Variants in SLC5A11 observed in about 807,000 individuals in gnomAD.
The protein encoded by SLC5A11 is solute carrier family 5 member 11.
In SLC5A11, 48 loss-of-function variants were observed where a neutral mutation model predicts 69.8. The observed-to-expected ratio is 0.69, with a 90% confidence interval of 0.55 to 0.87. SLC5A11 has a LOEUF of 0.87. Among genes scored for constraint, SLC5A11 ranks in the 40% least tolerant of loss-of-function variants. The pLI is 0.00. For synonymous variants in SLC5A11, 319 were observed against 342.4 expected (o/e 0.93, Z 0.75); for missense variants, 784 against 866.1 (o/e 0.91, Z 1.19).
intron 9 of SLC5A11, among the ~76,000 whole-genome samples, chr16:24,893,291 AAATT>A (rs55990088): frequency 2.0e-5 from 3 of 146,630 alleles, no homozygotes; most frequent in South Asian, 2.2e-4. Flanking sequence ...CCATCTCAAA[AAATT>A]AATTAATTAA....
intron 1 of SLC5A11, among the ~76,000 whole-genome samples, chr16:24,856,253 G>A (rs1051285286): frequency 6.6e-6 from 1 of 151,592 alleles, no homozygotes; most frequent in Non-Finnish European, 1.5e-5. Flanking sequence ...AGACATTCAT[G>A]TGGGCGAAAA....
intron 1 of SLC5A11, among the ~76,000 whole-genome samples, chr16:24,854,935 AAGGTT>A (rs2059461070): frequency 6.6e-6 from 1 of 151,898 alleles, no homozygotes; most frequent in South Asian, 2.1e-4. Context: ...TGCACAGAGA[AAGGTT>A]AGGTTAGGTT....
At chr16:24,886,912 G>A (rs2048438326) in intron 8 of SLC5A11, among the ~76,000 whole-genome samples, 1 of 152,132 alleles carries the variant, frequency 6.6e-6, no homozygotes, top group Non-Finnish European at 1.5e-5. Context: ...AGGCTGCAGT[G>A]AGCTATTATT....
intron 10 of SLC5A11, 22 bp downstream of exon 11, chr16:24,898,131 G>A: frequency 1.2e-6 from 2 of 1,611,846 alleles, no homozygotes; most frequent in Non-Finnish European, 1.7e-6. Flanking sequence ...GCTGGGGGAA[G>A]AGGTCATTGG....
intron 5 of SLC5A11, among the ~76,000 whole-genome samples, chr16:24,872,707 T>TAC (rs1171498807): frequency 6.7e-6 from 1 of 150,304 alleles, no homozygotes; most frequent in African/African-American, 2.4e-5. Flanking sequence ...TAGTAGAAAA[T>TAC]ACAAAAATCC....
At chr16:24,905,640 GCACA>G (rs56335988) in intron 10 of SLC5A11, among the ~76,000 whole-genome samples, 33,531 of 136,022 alleles carry the variant, frequency 0.25, 4,337 homozygotes, top group Non-Finnish European at 0.28. Flanking sequence ...GCGCGCGCGC[GCACA>G]CACACACACA....
rs531404236 is a variant in SLC5A11 at position 24,852,236 on chromosome 16, C to T, written c.-25+5798C>T. 2.6e-5 allele frequency among the ~76,000 whole-genome samples: 4 copies of T among 152,230 alleles called. No homozygotes were observed. The East Asian group carries it at 5.8e-4, about 22-fold the overall frequency. On this transcript the variant is annotated intron_variant, in intron 1 of 15. Transcript: ENST00000347898. ...AGAAGCCAGCCTAAGGCATGAAATG[C>T]GGCAAATACAATCACAGCTCACCTT...
chr16:24,868,592 G>A (rs920765418), intron 3 of SLC5A11, among the ~76,000 whole-genome samples: 1 of 80,622 alleles, frequency 1.2e-5, no homozygotes, highest in African/African-American at 4.4e-5. Flanking sequence ...GCAAGACTCC[G>A]CCTCAAAAAA....
intron 8 of SLC5A11, among the ~76,000 whole-genome samples, chr16:24,884,651 A>T (rs1162707404): frequency 2.0e-5 from 3 of 148,990 alleles, no homozygotes; most frequent in Non-Finnish European, 3.0e-5. Flanking sequence ...TTTTTCAAGT[A>T]AAAATCTCTT....
chr16:24,860,700 T>TTTTTTTG (rs978721769), intron 2 of SLC5A11, among the ~76,000 whole-genome samples: 7 of 151,976 alleles, frequency 4.6e-5, no homozygotes, highest in Non-Finnish European at 1.5e-5. Flanking sequence ...ATCTCAAAGT[T>TTTTTTTG]TTTTTTGTTT....
chr16:24,870,442 A>AACCAC (rs1555523057), intron 4 of SLC5A11, among the ~76,000 whole-genome samples: 1 of 140,556 alleles, frequency 7.1e-6, no homozygotes, highest in African/African-American at 2.6e-5. Context: ...AACAAAAAAA[A>AACCAC]ACACACACAC....
At chr16:24,892,720 T>A (rs1031234131) in intron 9 of SLC5A11, among the ~76,000 whole-genome samples, 1 of 152,172 alleles carries the variant, frequency 6.6e-6, no homozygotes, top group African/African-American at 2.4e-5. Context: ...TAGTGAGGGC[T>A]GATGACAGTT....
intron 15 of SLC5A11, 77 bp from the exon 17 acceptor site, chr16:24,911,251 C>A: frequency 1.5e-6 from 2 of 1,369,396 alleles, no homozygotes; most frequent in African/African-American, 1.4e-5. Context: ...TTGAACACAT[C>A]TGGTGAGTGT....
chr16:24,905,436 C>A (rs943730460), intron 10 of SLC5A11, among the ~76,000 whole-genome samples: 5 of 151,232 alleles, frequency 3.3e-5, no homozygotes, highest in African/African-American at 1.2e-4. Flanking sequence ...AGTGAGACTC[C>A]ATCTCAAGAA....
intron 13 of SLC5A11, 108 bp from the exon 15 acceptor site, chr16:24,908,773 G>C: frequency 1.1e-6 from 1 of 935,198 alleles, no homozygotes; most frequent in South Asian, 1.6e-5. Context: ...GCTGACCCGT[G>C]CTTGCAGTGA....
At chr16:24,899,940 G>A (rs145989488) in intron 10 of SLC5A11, among the ~76,000 whole-genome samples, 184 of 152,258 alleles carry the variant, frequency 1.2e-3, no homozygotes, top group Non-Finnish European at 1.7e-3. Context: ...CTGGGCTCAA[G>A]CAGTCCACCC....
At chr16:24,888,027 A>C (rs1395401247) in intron 8 of SLC5A11, among the ~76,000 whole-genome samples, 1 of 152,172 alleles carries the variant, frequency 6.6e-6, no homozygotes, top group East Asian at 1.9e-4. Flanking sequence ...GAACATAATA[A>C]GGATTTAGAA....
exon 13 of SLC5A11, chr16:24,908,099 A>G (rs766831553): frequency 3.7e-6 from 6 of 1,604,518 alleles, no homozygotes; most frequent in Admixed American, 1.7e-5. Flanking sequence ...GGTCTTCATC[A>G]TGGGATGTTT....
chr16:24,849,621 T>TATCTGC (rs2059211616), intron 1 of SLC5A11, among the ~76,000 whole-genome samples: 1 of 123,698 alleles, frequency 8.1e-6, no homozygotes, highest in African/African-American at 3.1e-5. Flanking sequence ...TATATATATA[T>TATCTGC]ATCCATGAGA....
Sources: gnomAD v4.1 joint callset for allele counts (sites outside exome capture counted in the v4.1 genomes callset) on GRCh38, gnomAD v4.1.1 for gene constraint, MANE v1.5 for transcripts, NCBI Gene and HGNC (gene_info 2026-07-23, HGNC 2026-07-21) for gene names.